Variants in RFX2 observed in about 807,000 individuals in gnomAD.
RFX2 encodes the protein DNA-binding protein RFX2.
A neutral mutation model predicts 87.8 loss-of-function variants in RFX2; 20 were observed. The observed-to-expected ratio is 0.23, with a 90% CI of 0.16 to 0.33. The LOEUF (loss-of-function observed/expected upper bound fraction) is 0.33. RFX2 is among the 10% of genes least tolerant of loss of function. RFX2 has a pLI of 1.00. For synonymous variants in RFX2, 397 were observed against 431.3 expected (o/e 0.92, Z 0.98); for missense variants, 767 against 1,012.3 (o/e 0.76, Z 3.29).
At position 6,026,211 on chromosome 19, in the gene RFX2, T is replaced by C. The variant is rs1172781736; in HGVS notation, c.549A>G (p.Gln183=). The change falls in exon 6 of 18, where the codon CAA becomes CAG. Residue 183 remains glutamine, a synonymous_variant. Transcript: ENST00000303657. The surrounding 1 kb of genome is among the most constrained non-coding windows in gnomAD (Gnocchi z 4.5). ...TGTGTGATGTGATTCCTTCGCTTTT[T>C]TGGAGGTTTTCAATCGCCATTTCAA... ...ATLEMAIENL[Q]KSEGITSHKS... is the part of the protein sequence containing the mutation. The C allele has an allele frequency of 6.2e-7, 1 of 1,614,036 alleles. No homozygotes were observed. The highest frequency in any genetic ancestry group is 8.5e-7 in the Non-Finnish European group (1 of 1,180,000).
In RFX2 at chr19:6,010,345, T is replaced by A. The variant is rs1222045009; in HGVS notation, c.900-94A>T. On this transcript the variant is annotated intron_variant, in intron 8 of 17. Transcript: ENST00000303657. The surrounding 1 kb of genome is among the most constrained non-coding windows in gnomAD (Gnocchi z 5.0). ...GGGCTGGGCAGGATTCAGTCAGGCATGTGTGTGTGATGTTTACAAGTTGCG... is the reference window on the plus strand; with the variant it reads ...GGGCTGGGCAGGATTCAGTCAGGCAAGTGTGTGTGATGTTTACAAGTTGCG... 1 of 782,230 alleles carries A rather than the reference T, an allele frequency of 1.3e-6. No individual in the cohort carries two copies. The highest frequency in any genetic ancestry group is 1.7e-5 in the African/African-American group (1 of 58,478). The allele number at this position is 782,230 out of a possible 1,614,324, so 48.5% of individuals were successfully genotyped here.
intron 1 of RFX2, among the ~76,000 whole-genome samples, chr19:6,087,005 T>G (rs186358831): frequency 6.6e-6 from 1 of 151,422 alleles, no homozygotes; most frequent in African/African-American, 2.5e-5. Context: ...TTTTTTTTTT[T>G]AATCTTTTAA....
At position 6,024,355 on chromosome 19, in the gene RFX2, A is replaced by G. The variant is rs1384157070; in HGVS notation, c.597+1808T>C. On this transcript the variant is annotated intron_variant, in intron 6 of 17. Transcript: ENST00000303657. The surrounding 1 kb of genome is among the most constrained non-coding windows in gnomAD (Gnocchi z 5.0). The stretch of plus-strand genomic sequence containing the variant: ...GACTCCCTTCTCCCTGAGTTCATCT[A>G]CAGGGAGGATGTCATCCAGCAGTGA... 6.6e-6 allele frequency among the ~76,000 whole-genome samples: 1 copy of G among 152,176 alleles called. No homozygotes were observed. Among genetic ancestry groups the G allele is most frequent in the Non-Finnish European group, 1.5e-5 (1 of 68,022 alleles).
chr19:6,041,012 T>C (rs1307583932), intron 4 of RFX2, among the ~76,000 whole-genome samples: 1 of 152,198 alleles, frequency 6.6e-6, no homozygotes, highest in Non-Finnish European at 1.5e-5. Context: ...CTGGTAGAAC[T>C]GAATAAGGCC....
intron 1 of RFX2, among the ~76,000 whole-genome samples, chr19:6,077,830 ATT>A (rs2087714341): frequency 6.6e-6 from 1 of 151,816 alleles, no homozygotes; most frequent in African/African-American, 2.4e-5. Context: ...AAAATACAAA[ATT>A]AGCCGGGCGT....
In RFX2 at chr19:6,047,786, C is replaced by A. The variant is rs1284092971; in HGVS notation, c.-8-282G>T. Among the ~76,000 whole-genome samples, 1 of 152,232 alleles carries A rather than the reference C, an allele frequency of 6.6e-6. No individual in the cohort carries two copies. The highest frequency in any genetic ancestry group is 2.4e-5 in the African/African-American group (1 of 41,464). On this transcript the variant is annotated intron_variant, in intron 1 of 17. Transcript: ENST00000303657. This position sits in a 1 kb window ranked among gnomAD's most constrained non-coding sequence, Gnocchi z 4.2. ...GGAATTCCTCAACAGAAGGCCGGGA[C>A]ACTGGCTCTGTGCCCAAGTCTGAGC...
intron 1 of RFX2, among the ~76,000 whole-genome samples, chr19:6,075,224 T>A (rs2087674107): frequency 6.6e-6 from 1 of 151,272 alleles, no homozygotes; most frequent in African/African-American, 2.4e-5. Flanking sequence ...CCAAACAGAT[T>A]AAGACAGGAG....
rs143802141 is a variant in RFX2, at chr19:6,002,903, C to T, written c.1501-33G>A. 728 of 1,583,620 alleles carry T rather than the reference C, an allele frequency of 4.6e-4. 3 individuals carry two copies. In the African/African-American group the frequency reaches 6.6e-3, roughly 14 times the overall value. ...CCAGGGCTCGTGGTGAGCAGGGGTTCGCAGGGAGAGCCTGTTCCGCTGCGC... is the reference window on the plus strand; with the variant it reads ...CCAGGGCTCGTGGTGAGCAGGGGTTTGCAGGGAGAGCCTGTTCCGCTGCGC... On this transcript the variant is annotated intron_variant, in intron 13 of 17. Coordinates refer to ENST00000303657, the MANE Select transcript of RFX2 (RefSeq NM_000635.4). The surrounding 1 kb of genome is among the most constrained non-coding windows in gnomAD (Gnocchi z 6.7).
At chr19:6,070,188 G>GT (rs1230763188) in intron 1 of RFX2, among the ~76,000 whole-genome samples, 1 of 83,352 alleles carries the variant, frequency 1.2e-5, no homozygotes, top group Non-Finnish European at 2.6e-5. Flanking sequence ...GGGATGGGAT[G>GT]GGATGGGATG....
Position 6,007,848 on chromosome 19 carries a change from CACG to C in RFX2, c.1135-49_1135-47del. The stretch of plus-strand genomic sequence containing the variant: ...GAGACAGACGGGTGCGTGCGCCCAT[CACG>C]TGCACTCAGCACACGTCAAGTGAGC... On this transcript the variant is annotated intron_variant, in intron 10 of 17. Coordinates refer to ENST00000303657, the MANE Select transcript of RFX2 (RefSeq NM_000635.4). This position sits in a 1 kb window ranked among gnomAD's most constrained non-coding sequence, Gnocchi z 8.2. 1 of 1,289,130 alleles carries C rather than the reference CACG, an allele frequency of 7.8e-7. No homozygotes were observed. Among genetic ancestry groups the C allele is most frequent in the Non-Finnish European group, 1.1e-6 (1 of 907,782 alleles). The allele number at this position is 1,289,130 out of a possible 1,614,324, so 79.9% of individuals were successfully genotyped here.
chr19:5,996,431 T>C (rs2086413691), intron 16 of RFX2, among the ~76,000 whole-genome samples: 1 of 149,920 alleles, frequency 6.7e-6, no homozygotes, highest in Non-Finnish European at 1.5e-5. Flanking sequence ...GATGTCATGT[T>C]CCGTGACAGA....
chr19:6,035,085 A>T (rs1176039100), intron 5 of RFX2, among the ~76,000 whole-genome samples: 5 of 152,224 alleles, frequency 3.3e-5, no homozygotes, highest in African/African-American at 1.2e-4. Flanking sequence ...AACTAATAAA[A>T]TGAGAAAAGA....
In RFX2 at chr19:6,061,967, C is replaced by A. The variant is rs2087440254; in HGVS notation, c.-8-14463G>T. Among the ~76,000 whole-genome samples, 1 of 152,060 alleles carries A rather than the reference C, an allele frequency of 6.6e-6. No homozygotes were observed. Among genetic ancestry groups the A allele is most frequent in the Non-Finnish European group, 1.5e-5 (1 of 68,012 alleles). On this transcript the variant is annotated intron_variant, in intron 1 of 17. Transcript: ENST00000303657. The surrounding 1 kb of genome is among the most constrained non-coding windows in gnomAD (Gnocchi z 5.2). ...GACCAGCCTGGGCAACATAGCGAGG[C>A]CCCATCTCTACAAACAAACAAACAA... is the stretch of plus-strand genomic sequence containing the variant.
At chr19:6,030,753 C>A (rs1324651395) in intron 5 of RFX2, among the ~76,000 whole-genome samples, 1 of 152,184 alleles carries the variant, frequency 6.6e-6, no homozygotes. Flanking sequence ...ATGTTACATA[C>A]ATTCTATCTC....
At chr19:6,072,976 C>T in intron 1 of RFX2, 1 of 635,408 alleles carries the variant, frequency 1.6e-6, no homozygotes, top group South Asian at 1.6e-5. Flanking sequence ...GTTCAAGGAC[C>T]AGATATTTTT....
intron 1 of RFX2, chr19:6,073,268 C>T: frequency 3.8e-6 from 3 of 781,238 alleles, no homozygotes; most frequent in Non-Finnish European, 6.6e-6. Context: ...ACATGAGCCA[C>T]CGCGCCTGCA....
intron 1 of RFX2, among the ~76,000 whole-genome samples, chr19:6,048,866 G>A (rs2087232245): frequency 6.6e-6 from 1 of 151,172 alleles, no homozygotes. Flanking sequence ...GACCACCACC[G>A]CTCCCCGGCC....
Position 6,026,022 on chromosome 19 carries a change from T to G in RFX2, c.597+141A>C. On this transcript the variant is annotated intron_variant, in intron 6 of 17. Coordinates refer to ENST00000303657, the MANE Select transcript of RFX2 (RefSeq NM_000635.4). This position sits in a 1 kb window ranked among gnomAD's most constrained non-coding sequence, Gnocchi z 4.5. ...CTGGTCTCAAACTCCTGACTTCAAGTGATCCACCCGCCTTGGCCTCCCAAA... is the reference window on the plus strand; with the variant it reads ...CTGGTCTCAAACTCCTGACTTCAAGGGATCCACCCGCCTTGGCCTCCCAAA... The G allele has an allele frequency of 1.5e-6, 1 of 653,044 alleles. No homozygotes were observed. The allele number at this position is 653,044 out of a possible 1,614,324, so 40.5% of individuals were successfully genotyped here.
At position 6,101,331 on chromosome 19, in the gene RFX2, A is replaced by C. The variant is rs563244292; in HGVS notation, c.-9+9062T>G. ...TTCCAAATATATTTTTTCTCAAGGC[A>C]GGCTACATCTGTCTGTATGTATTCT... On this transcript the variant is annotated intron_variant, in intron 1 of 17. Coordinates refer to ENST00000303657, the MANE Select transcript of RFX2 (RefSeq NM_000635.4). The surrounding 1 kb of genome is among the most constrained non-coding windows in gnomAD (Gnocchi z 4.9). Among the ~76,000 whole-genome samples the C allele has an allele frequency of 6.6e-6, 1 of 152,316 alleles. No individual in the cohort carries two copies. Among genetic ancestry groups the C allele is most frequent in the African/African-American group, 2.4e-5 (1 of 41,572 alleles).
Sources: gnomAD v4.1 joint callset for allele counts (sites outside exome capture counted in the v4.1 genomes callset) on GRCh38, gnomAD v4.1.1 for gene constraint, Gnocchi (gnomAD v3.1) non-coding constraint, MANE v1.5 for transcripts, NCBI Gene and HGNC (gene_info 2026-07-23, HGNC 2026-07-21) for gene names.